The following FBXO25 variants were observed in gnomAD, a reference collection of about 807,000 sequenced individuals.
FBXO25 encodes the protein F-box protein 25.
In FBXO25, 45 loss-of-function variants were observed where a neutral mutation model predicts 51.9. The ratio of observed to expected loss-of-function variants is 0.87; its 90% CI spans 0.68 to 1.11. The LOEUF (loss-of-function observed/expected upper bound fraction) is 1.11. Among genes scored for constraint, FBXO25 ranks in the 50% most tolerant of loss-of-function variants. The pLI is 0.00. For missense variants in FBXO25, 507 were observed against 428.5 expected (o/e 1.18, Z -1.62); for synonymous variants, 199 against 151.0 (o/e 1.32, Z -2.33).
At chr8:429,902 G>C (rs1342125453) in intron 2 of FBXO25, among the ~76,000 whole-genome samples, 2 of 152,258 alleles carry the variant, frequency 1.3e-5, no homozygotes, top group African/African-American at 4.8e-5. Flanking sequence ...TCTAGGCCCA[G>C]ATTCACAGGA....
intron 1 of FBXO25, among the ~76,000 whole-genome samples, chr8:407,668 T>C (rs62483093): frequency 0.017 from 2,567 of 152,154 alleles, 32 homozygotes; most frequent in Non-Finnish European, 0.026. Flanking sequence ...TCCTTGCCTC[T>C]TCGCCGGTGG....
At chr8:414,154 T>G (rs944017297) in intron 2 of FBXO25, among the ~76,000 whole-genome samples, 2 of 152,250 alleles carry the variant, frequency 1.3e-5, no homozygotes, top group South Asian at 2.1e-4. Flanking sequence ...TTTTCCATTT[T>G]AGTTACAGTG....
At chr8:468,223 G>T in intron 9 of FBXO25, 2 of 1,009,636 alleles carry the variant, frequency 2.0e-6, no homozygotes, top group Non-Finnish European at 2.4e-6. Context: ...CAGGAGCCTT[G>T]GGGGCTGAGG....
chr8:407,296 A>T (rs1322882659), intron 1 of FBXO25: 19 of 932,840 alleles, frequency 2.0e-5, no homozygotes, highest in Non-Finnish European at 2.3e-5. Flanking sequence ...CGGGCGCGTC[A>T]GGTGGGGACG....
chr8:471,462 C>T lies in FBXO25; in HGVS notation c.*2658C>T, dbSNP rs1800481352. ...CCTTCCAAAAGTAGGGATGCCACTCCTGTGAGATTAAGTTACATTCTGATG... is the reference window on the plus strand; with the variant it reads ...CCTTCCAAAAGTAGGGATGCCACTCTTGTGAGATTAAGTTACATTCTGATG... On this transcript the variant is annotated 3_prime_UTR_variant, in exon 10 of 10. Coordinates refer to ENST00000350302, the MANE Select transcript of FBXO25 (RefSeq NM_183420.2). 6.6e-6 allele frequency: 1 copy of T among 152,174 alleles called. No homozygotes were observed. The highest frequency in any genetic ancestry group is 2.4e-5 in the African/African-American group (1 of 41,446). 9.4% of individuals were successfully genotyped at this position (152,174 alleles called of 1,614,324 possible).
chr8:445,367 A>G (rs1798674185), intron 5 of FBXO25, among the ~76,000 whole-genome samples: 1 of 152,214 alleles, frequency 6.6e-6, no homozygotes, highest in Admixed American at 6.5e-5. Flanking sequence ...CAGGGAACAC[A>G]TATTCTCTGT....
chr8:473,055 C>T lies in FBXO25; in HGVS notation c.*4251C>T, dbSNP rs1800532143. On this transcript the variant is annotated 3_prime_UTR_variant, in exon 10 of 10. Transcript: ENST00000350302. ...ACTAACCAGCACCAGCCATTGGGGCCCTCTATGGCTGACACCAGCATCCAC... is the reference window on the plus strand; with the variant it reads ...ACTAACCAGCACCAGCCATTGGGGCTCTCTATGGCTGACACCAGCATCCAC... The T allele has an allele frequency of 6.6e-6, 1 of 152,530 alleles. No individual in the cohort carries two copies. Among genetic ancestry groups the T allele is most frequent in the Middle Eastern group, 3.4e-3 (1 of 294 alleles). 9.4% of individuals were successfully genotyped at this position (152,530 alleles called of 1,614,324 possible).
intron 1 of FBXO25, among the ~76,000 whole-genome samples, chr8:410,869 G>A (rs150630307): frequency 0.049 from 7,435 of 152,248 alleles, 232 homozygotes; most frequent in Middle Eastern, 0.082. Flanking sequence ...GATTTTCTTC[G>A]TGTAAAGAAT....
intron 5 of FBXO25, 133 bp downstream of exon 5, chr8:435,840 A>C: frequency 7.7e-7 from 1 of 1,292,444 alleles, no homozygotes; most frequent in South Asian, 1.6e-5. Context: ...TTAATCAAAA[A>C]ACAGAAGGGA....
Position 469,075 on chromosome 8 carries a change from T to G in FBXO25, c.*271T>G. 2 of 334,702 alleles carry G rather than the reference T, an allele frequency of 6.0e-6. No individual in the cohort carries two copies. Among genetic ancestry groups the G allele is most frequent in the Non-Finnish European group, 1.1e-5 (2 of 186,062 alleles). 20.7% of individuals were successfully genotyped at this position (334,702 alleles called of 1,614,324 possible). A position where few individuals can be genotyped will look rare whatever the true frequency, so the allele number is the denominator to read the frequency against. On this transcript the variant is annotated 3_prime_UTR_variant, in exon 10 of 10. Transcript: ENST00000350302. Reference sequence around the variant, plus strand: ...TGCGTACTCTCTCTCTCTATATATATAGTTCAAAAATACTTTAGGTGGTCA... The same window carrying G: ...TGCGTACTCTCTCTCTCTATATATAGAGTTCAAAAATACTTTAGGTGGTCA...
chr8:446,955 G>C (rs4045406), intron 5 of FBXO25, among the ~76,000 whole-genome samples: 16 of 152,198 alleles, frequency 1.1e-4, no homozygotes, highest in Non-Finnish European at 2.9e-5. Flanking sequence ...AGAGAAATAA[G>C]AGGCAGATGC....
At position 446,502 on chromosome 8, in the gene FBXO25, C is replaced by T. The variant is rs575308799; in HGVS notation, c.382-3488C>T. On this transcript the variant is annotated intron_variant, in intron 5 of 9. Transcript: ENST00000350302. Reference sequence around the variant, plus strand: ...TCCATTGTTGTGTGAATCTGAATCGCATCCGCCAGTCCAGCTATTATTAGC... The same window carrying T: ...TCCATTGTTGTGTGAATCTGAATCGTATCCGCCAGTCCAGCTATTATTAGC... Among the ~76,000 whole-genome samples the T allele has an allele frequency of 3.3e-5, 5 of 152,280 alleles. No homozygotes were observed. The South Asian group carries it at 6.2e-4, about 19-fold the overall frequency.
chr8:469,437 G>C lies in FBXO25; in HGVS notation c.*633G>C, dbSNP rs1453627112. 1.3e-5 allele frequency: 2 copies of C among 152,492 alleles called. No homozygotes were observed. The highest frequency in any genetic ancestry group is 2.9e-5 in the Non-Finnish European group (2 of 68,294). 9.4% of individuals were successfully genotyped at this position (152,492 alleles called of 1,614,324 possible). On this transcript the variant is annotated 3_prime_UTR_variant, in exon 10 of 10. Transcript: ENST00000350302. ...TAGGCATCCAGCACAGGTTCTGGCA[G>C]GGCACCCCTGCTGGGGTTGGGGGCT...
chr8:413,852 C>G (rs116951914), intron 2 of FBXO25, among the ~76,000 whole-genome samples: 3,184 of 152,232 alleles, frequency 0.021, 60 homozygotes, highest in Middle Eastern at 0.058. Context: ...GGGGTTGTGG[C>G]CCAGCCATGT....
At chr8:463,680 GAACTT>G (rs1799961973) in intron 9 of FBXO25, among the ~76,000 whole-genome samples, 1 of 152,200 alleles carries the variant, frequency 6.6e-6, no homozygotes. Flanking sequence ...CATATGATCA[GAACTT>G]AACAAGACTA....
intron 2 of FBXO25, among the ~76,000 whole-genome samples, chr8:418,074 C>A (rs994286631): frequency 6.6e-6 from 1 of 152,248 alleles, no homozygotes; most frequent in South Asian, 2.1e-4. Context: ...GCAGGTTACA[C>A]ACTGCACAAG....
intron 2 of FBXO25, among the ~76,000 whole-genome samples, chr8:428,484 C>G (rs943776423): frequency 1.3e-5 from 2 of 151,376 alleles, no homozygotes; most frequent in Non-Finnish European, 2.9e-5. Flanking sequence ...ACAAGACAAG[C>G]TGCTACTTCC....
chr8:451,183 G>C (rs915015836), intron 6 of FBXO25, 86 bp from the exon 7 acceptor site: 36 of 1,136,912 alleles, frequency 3.2e-5, no homozygotes, highest in Non-Finnish European at 3.8e-5. Flanking sequence ...TCGTCTATCA[G>C]TGGACATTTG....
intron 8 of FBXO25, among the ~76,000 whole-genome samples, chr8:461,795 T>G (rs916752055): frequency 1.3e-5 from 2 of 152,228 alleles, no homozygotes; most frequent in African/African-American, 4.8e-5. Flanking sequence ...ACCCTTTGCA[T>G]GATGTCCTTA....
Sources: gnomAD v4.1 joint callset for allele counts (sites outside exome capture counted in the v4.1 genomes callset) on GRCh38, gnomAD v4.1.1 for gene constraint, MANE v1.5 for transcripts, NCBI Gene and HGNC (gene_info 2026-07-23, HGNC 2026-07-21) for gene names.